SIDT1: variants seen among roughly 807,000 people sequenced by gnomAD.
SIDT1 encodes SID1 transmembrane family, member 1.
SIDT1 carries 101 observed loss-of-function variants against 107.5 expected under a neutral mutation model. The ratio of observed to expected loss-of-function variants is 0.94; its 90% confidence interval spans 0.80 to 1.11. The LOEUF (loss-of-function observed/expected upper bound fraction) is 1.11. SIDT1 is among the 50% of genes least tolerant of loss of function. The probability of loss-of-function intolerance (pLI) is 0.00; values close to 1 mark genes in which losing one functional copy is unlikely to be tolerated. For synonymous variants in SIDT1, 395 were observed against 398.2 expected (o/e 0.99, Z 0.10); for missense variants, 1,076 against 1,058.2 (o/e 1.02, Z -0.23).
intron 1 of SIDT1, among the ~76,000 whole-genome samples, chr3:113,557,508 T>A (rs1215316731): frequency 6.6e-6 from 1 of 151,728 alleles, no homozygotes; most frequent in African/African-American, 2.4e-5. Flanking sequence ...GAGAATAGCA[T>A]GTGAAGACAG....
chr3:113,533,042 C>A lies in SIDT1; in HGVS notation c.21C>A (p.Leu7=), dbSNP rs1331421836. ...CCACCATGCGCGGCTGCCTGCGGCT[C>A]GCGCTGCTCTGCGCGCTGCCCTGGC... MRGCLR[L]ALLCALPWLL... The change falls in exon 1 of 25, where the codon CTC becomes CTA. Residue 7 remains leucine, a synonymous_variant. Transcript: ENST00000264852. 2.9e-6 allele frequency: 4 copies of A among 1,386,636 alleles called. No individual in the cohort carries two copies. Among genetic ancestry groups the A allele is most frequent in the South Asian group, 1.7e-5 (1 of 57,664 alleles). The allele number at this position is 1,386,636 out of a possible 1,614,324, so 85.9% of individuals were successfully genotyped here. A position where few individuals can be genotyped will look rare whatever the true frequency, so the allele number is the denominator to read the frequency against.
intron 17 of SIDT1, among the ~76,000 whole-genome samples, chr3:113,610,549 T>G (rs975152991): frequency 6.6e-6 from 1 of 152,236 alleles, no homozygotes; most frequent in Non-Finnish European, 1.5e-5. Flanking sequence ...GCTATAAATG[T>G]GCAGTAATCA....
intron 1 of SIDT1, among the ~76,000 whole-genome samples, chr3:113,563,979 C>T (rs1576777956): frequency 6.6e-6 from 1 of 151,648 alleles, no homozygotes; most frequent in African/African-American, 2.4e-5. Context: ...TGGAGTTTCA[C>T]TCTTTGTTGC....
At position 113,560,017 on chromosome 3, in the gene SIDT1, T is replaced by C. The variant is rs529249824; in HGVS notation, c.223-6403T>C. Reference sequence around the variant, plus strand: ...CAGCATATTCTGACCAAGCATTGCATGGGGATTGGAGCACAGGCTTGGGTT... The same window carrying C: ...CAGCATATTCTGACCAAGCATTGCACGGGGATTGGAGCACAGGCTTGGGTT... On this transcript the variant is annotated intron_variant, in intron 1 of 24. Transcript: ENST00000264852. Among the ~76,000 whole-genome samples, 5 of 152,270 alleles carry C rather than the reference T, an allele frequency of 3.3e-5. No homozygotes were observed. In the South Asian group the frequency reaches 8.3e-4, roughly 25 times the overall value.
At chr3:113,632,669 C>A (rs1577015568), downstream of SIDT1, 1 of 152,194 alleles carries the variant, frequency 6.6e-6, no homozygotes, top group Admixed American at 6.5e-5. Context: ...AAAATGGGCA[C>A]AGCAGTGAAC....
At chr3:113,588,591 A>G (rs1362711117) in intron 9 of SIDT1, among the ~76,000 whole-genome samples, 2 of 152,150 alleles carry the variant, frequency 1.3e-5, no homozygotes, top group Non-Finnish European at 2.9e-5. Context: ...GAAACTAAAC[A>G]CTATTCCCTT....
At chr3:113,612,398 A>C in intron 19 of SIDT1, 1 of 628,390 alleles carries the variant, frequency 1.6e-6, no homozygotes, top group Non-Finnish European at 3.0e-6. Flanking sequence ...CCCTAGTTCT[A>C]TTTTCAGCTG....
intron 3 of SIDT1, among the ~76,000 whole-genome samples, chr3:113,573,262 A>T (rs777742099): frequency 2.0e-5 from 3 of 152,186 alleles, no homozygotes; most frequent in Non-Finnish European, 4.4e-5. Context: ...TGTTCAAGGG[A>T]TGGTCAAGTG....
rs186767702 is a variant in SIDT1, at chr3:113,583,716, A to G, written c.835+220A>G. Among the ~76,000 whole-genome samples the G allele has an allele frequency of 9.6e-4, 146 of 152,348 alleles. 2 individuals are homozygous for G. The East Asian group carries it at 0.019, about 20-fold the overall frequency. On this transcript the variant is annotated intron_variant, in intron 7 of 24. Coordinates refer to ENST00000264852, the MANE Select transcript of SIDT1 (RefSeq NM_017699.3). ...TACAAAATATCATTTAGTACATTTC[A>G]TCTTTTTGAAGCATTGTATTCCCTC...
At chr3:113,635,345 T>C in the SIDT1 span, among the ~76,000 whole-genome samples, 1 of 151,844 alleles carries the variant, frequency 6.6e-6, no homozygotes, top group South Asian at 2.1e-4. Context: ...AAAAAGAAAA[T>C]TAGAGGTTAA....
chr3:113,566,588 C>A, intron 2 of SIDT1, 47 bp downstream of exon 2: 1 of 1,592,720 alleles, frequency 6.3e-7, no homozygotes, highest in Non-Finnish European at 8.6e-7. Flanking sequence ...TAGTTTTCTT[C>A]AATGTCCTAG....
chr3:113,588,690 G>A (rs1429966026), intron 9 of SIDT1: 1 of 151,952 alleles, frequency 6.6e-6, no homozygotes, highest in Non-Finnish European at 1.5e-5. Context: ...CTGCATACCT[G>A]TTCTCTTATT....
chr3:113,599,879 G>A, intron 10 of SIDT1, among the ~76,000 whole-genome samples: 1 of 152,048 alleles, frequency 6.6e-6, no homozygotes, highest in East Asian at 1.9e-4. Context: ...GTAGATTTTA[G>A]GTGCTCTTAT....
intron 17 of SIDT1, 82 bp from the exon 18 acceptor site, chr3:113,610,926 A>C (rs926793335): frequency 2.7e-5 from 41 of 1,516,580 alleles, no homozygotes; most frequent in Non-Finnish European, 3.3e-5. Context: ...GGGTACTCAG[A>C]GTCTGAAGAA....
intron 10 of SIDT1, 51 bp downstream of exon 10, chr3:113,593,099 A>T: frequency 7.0e-7 from 1 of 1,434,790 alleles, no homozygotes; most frequent in Non-Finnish European, 9.8e-7. Context: ...TAGTGTGGCA[A>T]CATCCCATTT....
rs1944980767 is a variant in SIDT1, at chr3:113,601,826, C to T, written c.1117+167C>T. The T allele has an allele frequency of 5.6e-6, 3 of 538,844 alleles. No homozygotes were observed. The South Asian group carries it at 7.5e-5, about 14-fold the overall frequency. 33.4% of individuals were successfully genotyped at this position (538,844 alleles called of 1,614,324 possible). A position where few individuals can be genotyped will look rare whatever the true frequency, so the allele number is the denominator to read the frequency against. On this transcript the variant is annotated intron_variant, in intron 11 of 24. Coordinates refer to ENST00000264852, the MANE Select transcript of SIDT1 (RefSeq NM_017699.3). ...GCTTGGAGATTTGGAAGCTTCCTCC[C>T]AGCTCTAACTTTCTCCAGTTCTGTT...
intron 1 of SIDT1, among the ~76,000 whole-genome samples, chr3:113,560,430 C>G (rs1941322333): frequency 6.6e-6 from 1 of 152,174 alleles, no homozygotes; most frequent in South Asian, 2.1e-4. Context: ...TTAGAATATC[C>G]CCAGCACCTC....
intron 1 of SIDT1, among the ~76,000 whole-genome samples, chr3:113,555,587 A>G (rs1455669459): frequency 6.6e-6 from 1 of 152,206 alleles, no homozygotes; most frequent in East Asian, 1.9e-4. Context: ...TAGATTATAA[A>G]CAAAAGGATG....
intron 1 of SIDT1, among the ~76,000 whole-genome samples, chr3:113,555,022 A>T (rs1038726216): frequency 6.6e-6 from 1 of 152,230 alleles, no homozygotes; most frequent in Non-Finnish European, 1.5e-5. Flanking sequence ...TCCTGAGAAT[A>T]AAGTCCCAAC....
Sources: gnomAD v4.1 joint callset for allele counts (sites outside exome capture counted in the v4.1 genomes callset) on GRCh38, gnomAD v4.1.1 for gene constraint, MANE v1.5 for transcripts, NCBI Gene and HGNC (gene_info 2026-07-23, HGNC 2026-07-21) for gene names.